PKHD1: variants seen among roughly 807,000 people sequenced by gnomAD.
PKHD1 encodes the protein fibrocystin.
PKHD1 carries 291 observed loss-of-function variants against 412.0 expected under a neutral mutation model. That is an observed-to-expected ratio of 0.71 (90% CI 0.64 to 0.78). The LOEUF is 0.78. PKHD1 is among the 30% of genes least tolerant of loss of function. The pLI is 0.00. For missense variants in PKHD1, 4,825 were observed against 4,950.7 expected, an observed-to-expected ratio of 0.97 and a Z score of 0.76; for synonymous variants, 1,777 against 1,821.5, an observed-to-expected ratio of 0.98 and a Z score of 0.62.
At position 51,747,967 on chromosome 6, in the gene PKHD1, C is replaced by G; in HGVS notation, c.9649G>C (p.Asp3217His). ...ATSSSFDCIQ[D>H]KVKPHSANLT... The stretch of plus-strand genomic sequence containing the variant: ...TTGGCTGAGTGCGGCTTCACTTTGT[C>G]CTGAATGCAGTCAAAAGAAGAGCTG... Residue 3217 changes from aspartate (D) to histidine (H), a missense_variant, in exon 58 of 67, where the codon GAC becomes CAC. Physicochemically the swap from Asp to His is moderately conservative, Grantham distance 81 (BLOSUM62 -1). Coordinates refer to ENST00000371117, the MANE Select transcript of PKHD1 (RefSeq NM_138694.4). The G allele has an allele frequency of 6.2e-7, 1 of 1,614,026 alleles. No homozygotes were observed. Among genetic ancestry groups the G allele is most frequent in the South Asian group, 1.1e-5 (1 of 91,076 alleles).
chr6:52,069,571 G>A, intron 10 of PKHD1, 44 bp from the exon 11 acceptor site: 1 of 1,481,654 alleles, frequency 6.7e-7, no homozygotes, highest in Non-Finnish European at 9.4e-7. Context: ...AATATCAACT[G>A]GGATTGCATT....
intron 50 of PKHD1, among the ~76,000 whole-genome samples, chr6:51,845,567 A>T (rs1187601796): frequency 4.6e-5 from 7 of 152,246 alleles, no homozygotes. Flanking sequence ...GTATTCCAAT[A>T]CAAATAATTT....
rs1180477711 is a variant in PKHD1 at position 51,874,914 on chromosome 6, C to T, written c.7351-4275G>A. On this transcript the variant is annotated intron_variant, in intron 46 of 66. Transcript: ENST00000371117. ...CAGGCCAGTGTGTGTGCGCACCGTGCGCGAGCCGAAGCAGGGCGAGGCATT... is the reference window on the plus strand; with the variant it reads ...CAGGCCAGTGTGTGTGCGCACCGTGTGCGAGCCGAAGCAGGGCGAGGCATT... Among the ~76,000 whole-genome samples the T allele has an allele frequency of 1.1e-4, 9 of 85,460 alleles. 3 individuals are homozygous for T. Among genetic ancestry groups the T allele is most frequent in the African/African-American group, 2.0e-4 (4 of 20,378 alleles). The allele number at this position is 85,460 out of a possible 152,430, so 56.1% of individuals were successfully genotyped here. A position where few individuals can be genotyped will look rare whatever the true frequency, so the allele number is the denominator to read the frequency against.
intron 50 of PKHD1, among the ~76,000 whole-genome samples, chr6:51,846,410 T>C (rs1358393692): frequency 6.6e-6 from 1 of 152,082 alleles, no homozygotes; most frequent in Non-Finnish European, 1.5e-5. Context: ...GCTAATAAGA[T>C]CCCCTGGATT....
chr6:52,015,054 C>T (rs530960273), intron 34 of PKHD1, among the ~76,000 whole-genome samples: 108 of 152,216 alleles, frequency 7.1e-4, no homozygotes, highest in Non-Finnish European at 2.9e-4. Flanking sequence ...TCTCTAGTAA[C>T]CTATGTGTGT....
intron 60 of PKHD1, among the ~76,000 whole-genome samples, chr6:51,723,265 C>T (rs1156952067): frequency 6.6e-6 from 1 of 152,172 alleles, no homozygotes; most frequent in East Asian, 1.9e-4. Context: ...CTAGGAAAGA[C>T]TGTAGTGATG....
chr6:51,969,431 G>T (rs1010022978), intron 35 of PKHD1, among the ~76,000 whole-genome samples: 2 of 152,058 alleles, frequency 1.3e-5, no homozygotes, highest in African/African-American at 4.8e-5. Context: ...AGATTTAGAG[G>T]GTACAAGTGC....
chr6:51,699,186 C>CA (rs1779133049), intron 60 of PKHD1, among the ~76,000 whole-genome samples: 1 of 152,126 alleles, frequency 6.6e-6, no homozygotes. Context: ...ATAATCAGGA[C>CA]AAAAAACAAT....
chr6:51,634,736 C>A (rs1469763711), intron 64 of PKHD1, among the ~76,000 whole-genome samples: 2 of 152,028 alleles, frequency 1.3e-5, no homozygotes, highest in East Asian at 3.9e-4. Flanking sequence ...GAAGGCTGTG[C>A]AAATACATAA....
At chr6:52,019,836 A>C (rs1321244668) in intron 33 of PKHD1, among the ~76,000 whole-genome samples, 1 of 152,234 alleles carries the variant, frequency 6.6e-6, no homozygotes, top group East Asian at 1.9e-4. Context: ...CATTACAAGA[A>C]AAAGGAAATT....
At chr6:51,789,909 T>A (rs940050343) in intron 53 of PKHD1, among the ~76,000 whole-genome samples, 1 of 152,194 alleles carries the variant, frequency 6.6e-6, no homozygotes, top group South Asian at 2.1e-4. Context: ...TAGAGGAAGA[T>A]AGATTTTAGC....
chr6:51,657,733 T>C (rs1772120424), intron 61 of PKHD1, among the ~76,000 whole-genome samples: 1 of 152,098 alleles, frequency 6.6e-6, no homozygotes, highest in Admixed American at 6.6e-5. Flanking sequence ...TCTAAACTTG[T>C]GCTGGATCCA....
intron 61 of PKHD1, among the ~76,000 whole-genome samples, chr6:51,656,449 G>T (rs945428044): frequency 4.6e-5 from 7 of 152,210 alleles, no homozygotes; most frequent in African/African-American, 1.7e-4. Flanking sequence ...CATGCCACAT[G>T]CAAGAAGACA....
chr6:51,822,581 G>C (rs970689198), intron 52 of PKHD1, among the ~76,000 whole-genome samples: 11 of 152,050 alleles, frequency 7.2e-5, no homozygotes, highest in Non-Finnish European at 1.3e-4. Context: ...AATACTCAAG[G>C]CTTCCTTAGT....
At chr6:51,737,727 A>AGT (rs58089479) in intron 60 of PKHD1, among the ~76,000 whole-genome samples, 6,542 of 149,678 alleles carry the variant, frequency 0.044, 136 homozygotes, top group Middle Eastern at 0.072. Flanking sequence ...TGTGTGTGTG[A>AGT]GTGTGTGTGT....
Position 52,050,181 on chromosome 6 carries a change from G to C in PKHD1, c.2255C>G (p.Thr752Arg), listed in dbSNP as rs200654041. 1 of 1,614,164 alleles carries C rather than the reference G, an allele frequency of 6.2e-7. No individual in the cohort carries two copies. Among genetic ancestry groups the C allele is most frequent in the Non-Finnish European group, 8.5e-7 (1 of 1,180,014 alleles). The change falls in exon 22 of 67, where the codon ACG (threonine) becomes AGG (arginine). Residue 752 changes from threonine (T) to arginine (R), a missense_variant. Coordinates refer to ENST00000371117, the MANE Select transcript of PKHD1 (RefSeq NM_138694.4). ...SVTSWLAGCGTELPLITARSV... is the reference protein window; with the variant it reads ...SVTSWLAGCGRELPLITARSV... ...CCGTGCAGTGATGAGCGGGAGCTCC[G>C]TGCCACACCCCGCCAGCCAGGAGGT...
intron 36 of PKHD1, among the ~76,000 whole-genome samples, chr6:51,938,488 G>A (rs960719606): frequency 5.0e-5 from 6 of 119,066 alleles, no homozygotes; most frequent in African/African-American, 1.1e-4. Flanking sequence ...CACTGAGCAC[G>A]CTGTGACCCC....
chr6:51,941,737 C>G (rs923588187), intron 36 of PKHD1, among the ~76,000 whole-genome samples: 3 of 151,650 alleles, frequency 2.0e-5, no homozygotes, highest in Admixed American at 6.6e-5. Flanking sequence ...CCTCCACAAC[C>G]CATTATTCTG....
At chr6:51,950,220 A>AAAAAAAAAAAT in intron 36 of PKHD1, among the ~76,000 whole-genome samples, 1 of 98,328 alleles carries the variant, frequency 1.0e-5, no homozygotes, top group Non-Finnish European at 2.0e-5. Flanking sequence ...GAAAAAAAAA[A>AAAAAAAAAAAT]ATATATATAT....
Sources: allele counts gnomAD v4.1 joint callset (sites outside exome capture counted in the v4.1 genomes callset), GRCh38; gene constraint gnomAD v4.1.1; transcripts MANE v1.5; gene names NCBI Gene and HGNC (gene_info 2026-07-23, HGNC 2026-07-21).